Variants in ATP6V0A1 observed in about 807,000 individuals in gnomAD.
ATP6V0A1 encodes the protein ATPase H+ transporting V0 subunit a1.
ATP6V0A1 carries 43 observed loss-of-function variants against 105.4 expected under a neutral mutation model. The observed-to-expected ratio is 0.41, with a 90% confidence interval of 0.32 to 0.53. The LOEUF is 0.53. Ranked by LOEUF, ATP6V0A1 falls within the 20% of genes least tolerant of loss-of-function variation. ATP6V0A1 has a pLI of 0.30. For synonymous variants in ATP6V0A1, 362 were observed against 372.8 expected (o/e 0.97, Z 0.33); for missense variants, 676 against 1,051.1 (o/e 0.64, Z 4.93).
At chr17:42,520,883 C>T (rs1304330911) in intron 21 of ATP6V0A1, 144 bp from the exon 22 acceptor site, 3 of 710,840 alleles carry the variant, frequency 4.2e-6, no homozygotes, top group Non-Finnish European at 7.3e-6. Flanking sequence ...GGGATCTCTG[C>T]ACTCTGGGCT....
intron 17 of ATP6V0A1, chr17:42,507,271 C>T: frequency 2.5e-6 from 1 of 397,994 alleles, no homozygotes; most frequent in Non-Finnish European, 4.6e-6. Context: ...CTTGGCACAG[C>T]AGACAGAACT....
chr17:42,466,956 G>A lies in ATP6V0A1; in HGVS notation c.196+449G>A, dbSNP rs573768807. Among the ~76,000 whole-genome samples, 7 of 152,126 alleles carry A rather than the reference G, an allele frequency of 4.6e-5. No individual in the cohort carries two copies. In the East Asian group the frequency reaches 1.2e-3, roughly 25 times the overall value. Reference sequence around the variant, plus strand: ...AGGTCAGGAGATCGAGACCATCCTGGCTAACATGGTAAAACCCCGTCTCTA... The same window carrying A: ...AGGTCAGGAGATCGAGACCATCCTGACTAACATGGTAAAACCCCGTCTCTA... On this transcript the variant is annotated intron_variant, in intron 3 of 21. Transcript: ENST00000343619.
At chr17:42,477,545 T>C in intron 5 of ATP6V0A1, 115 bp from the exon 6 acceptor site, 1 of 1,059,310 alleles carries the variant, frequency 9.4e-7, no homozygotes. Context: ...TTGTTTTCTT[T>C]TTCATCCTTA....
At chr17:42,490,666 C>G (rs1390741427) in intron 11 of ATP6V0A1, 29 bp downstream of exon 11, 3 of 1,565,284 alleles carry the variant, frequency 1.9e-6, no homozygotes, top group Non-Finnish European at 1.7e-6. Flanking sequence ...TCTTTTTCCT[C>G]TAGAGTTTTT....
intron 4 of ATP6V0A1, 94 bp downstream of exon 4, chr17:42,468,201 ACTTT>A: frequency 1.3e-6 from 1 of 759,174 alleles, no homozygotes; most frequent in South Asian, 2.1e-5. Context: ...ATTCTTGCTA[ACTTT>A]GTCAGCATTA....
In ATP6V0A1 at chr17:42,521,154, TC is replaced by T; in HGVS notation, c.*38del. 1 of 1,534,192 alleles carries T rather than the reference TC, an allele frequency of 6.5e-7. No individual in the cohort carries two copies. Among genetic ancestry groups the T allele is most frequent in the South Asian group, 1.2e-5 (1 of 83,844 alleles). ...GAGGGCCGTGTGCCCCATGCTACCC[TC>T]CCCGCCTCCCTCCACAGTGATCAGC... On this transcript the variant is annotated 3_prime_UTR_variant, in exon 22 of 22. Transcript: ENST00000343619. This position sits in a 1 kb window ranked among gnomAD's most constrained non-coding sequence, Gnocchi z 4.8.
intron 2 of ATP6V0A1, among the ~76,000 whole-genome samples, chr17:42,462,220 C>CAA (rs1251035027): frequency 8.0e-6 from 1 of 125,186 alleles, no homozygotes. Context: ...GTCTCAAAAC[C>CAA]AAAAAAAAAA....
intron 19 of ATP6V0A1, chr17:42,511,065 T>G (rs902131707): frequency 1.3e-5 from 2 of 152,372 alleles, no homozygotes; most frequent in African/African-American, 4.8e-5. Context: ...GTGTTGAGCA[T>G]GGAGAGCCTG....
At chr17:42,493,139 G>A (rs2090822557) in intron 11 of ATP6V0A1, among the ~76,000 whole-genome samples, 1 of 152,134 alleles carries the variant, frequency 6.6e-6, no homozygotes, top group Non-Finnish European at 1.5e-5. Context: ...TAAGATGTCT[G>A]ATATTTTTAA....
intron 3 of ATP6V0A1, among the ~76,000 whole-genome samples, chr17:42,467,441 A>G (rs1054611492): frequency 1.3e-5 from 2 of 152,196 alleles, no homozygotes; most frequent in Non-Finnish European, 1.5e-5. Context: ...GGTCCCCACT[A>G]TAAAAAACAG....
chr17:42,514,414 A>T lies in ATP6V0A1; in HGVS notation c.2374A>T (p.Ile792Phe), dbSNP rs1351836920. 6.2e-7 allele frequency: 1 copy of T among 1,612,858 alleles called. No individual in the cohort carries two copies. Among genetic ancestry groups the T allele is most frequent in the Non-Finnish European group, 8.5e-7 (1 of 1,179,538 alleles). The change falls in exon 21 of 22, where the codon ATC (isoleucine) becomes TTC (phenylalanine). Residue 792 changes from isoleucine to phenylalanine, a missense_variant. Physicochemically the swap from Ile to Phe is conservative, Grantham distance 21 (BLOSUM62 0). Around this residue, in one of 3 missense-constraint regions of ATP6V0A1, gnomAD observed 435 missense variants for 642.2 expected, o/e 0.68. Transcript: ENST00000343619. ...FATLTVAILL[I>F]MEGLSAFLHA... is the part of the protein sequence containing the mutation. ...CACCCTGACCGTGGCCATCCTCCTG[A>T]TCATGGAGGGCCTCTCGGCCTTTCT... is the stretch of plus-strand genomic sequence containing the variant.
At chr17:42,481,573 A>G (rs1465404621) in intron 8 of ATP6V0A1, among the ~76,000 whole-genome samples, 3 of 152,130 alleles carry the variant, frequency 2.0e-5, no homozygotes, top group East Asian at 1.9e-4. Flanking sequence ...GCCAGATACA[A>G]TGGCTCATGC....
At chr17:42,514,511 G>T (rs771160499) in intron 21 of ATP6V0A1, 51 bp downstream of exon 21, 3 of 1,491,910 alleles carry the variant, frequency 2.0e-6, no homozygotes, top group African/African-American at 2.8e-5. Flanking sequence ...GTCCTTAGCT[G>T]CGGTGAGAGG....
At chr17:42,506,040 G>A (rs374877806) in intron 17 of ATP6V0A1, among the ~76,000 whole-genome samples, 76 of 152,152 alleles carry the variant, frequency 5.0e-4, no homozygotes, top group Non-Finnish European at 4.4e-4. Context: ...TGCCTGACTC[G>A]GCCTTCCAAA....
intron 5 of ATP6V0A1, among the ~76,000 whole-genome samples, chr17:42,471,888 A>G (rs957214558): frequency 2.0e-5 from 3 of 152,114 alleles, no homozygotes; most frequent in Admixed American, 6.6e-5. Flanking sequence ...CTGATGGCCT[A>G]AAGTACAGTA....
intron 10 of ATP6V0A1, among the ~76,000 whole-genome samples, chr17:42,488,463 G>T (rs1031482450): frequency 1.3e-5 from 2 of 151,990 alleles, no homozygotes; most frequent in African/African-American, 4.8e-5. Context: ...AGTTTGGGTG[G>T]TTTTTTACAT....
intron 7 of ATP6V0A1, chr17:42,480,287 G>T (rs2089326466): frequency 6.5e-6 from 1 of 153,732 alleles, no homozygotes; most frequent in African/African-American, 2.4e-5. Context: ...TTTTATCTAA[G>T]AATTTCTAAG....
At chr17:42,514,213 G>A in intron 20 of ATP6V0A1, 76 bp from the exon 21 acceptor site, 1 of 1,511,468 alleles carries the variant, frequency 6.6e-7, no homozygotes, top group Non-Finnish European at 8.9e-7. Flanking sequence ...AGAGCAGGGG[G>A]ATGGCAGAGC....
chr17:42,467,283 A>G (rs2087213221), intron 3 of ATP6V0A1, among the ~76,000 whole-genome samples: 1 of 152,212 alleles, frequency 6.6e-6, no homozygotes, highest in African/African-American at 2.4e-5. Flanking sequence ...TGAGGAAACT[A>G]AAGATTAGAG....
Sources: gnomAD v4.1 joint callset for allele counts (sites outside exome capture counted in the v4.1 genomes callset) on GRCh38, gnomAD v4.1.1 for gene constraint, gnomAD v4.1.1 regional missense constraint, Gnocchi (gnomAD v3.1) non-coding constraint, MANE v1.5 for transcripts, NCBI Gene and HGNC (gene_info 2026-07-23, HGNC 2026-07-21) for gene names.